The following ANK3 variants were observed in gnomAD, a reference collection of about 807,000 sequenced individuals.
ANK3 encodes ankyrin 3.
ANK3 carries 57 observed loss-of-function variants against 370.9 expected under a neutral mutation model. The ratio of observed to expected loss-of-function variants is 0.15; its 90% CI spans 0.12 to 0.19. ANK3 has a LOEUF of 0.19. Ranked by LOEUF, ANK3 falls within the 10% of genes least tolerant of loss-of-function variation. ANK3 has a pLI of 1.00. For missense variants in ANK3, 4,439 were observed against 5,302.1 expected, an observed-to-expected ratio of 0.84 and a Z score of 5.06; for synonymous variants, 1,929 against 1,946.3, an observed-to-expected ratio of 0.99 and a Z score of 0.23.
chr10:60,690,530 AACTTAAT>A (rs548761860), intron 1 of ANK3, among the ~76,000 whole-genome samples: 71 of 152,298 alleles, frequency 4.7e-4, no homozygotes, highest in African/African-American at 1.5e-3. Flanking sequence ...GAAAACTTAA[AACTTAAT>A]ACTTAATACT....
intron 1 of ANK3, among the ~76,000 whole-genome samples, chr10:60,650,929 TAACAAC>T (rs147504331): frequency 6.6e-6 from 1 of 151,298 alleles, no homozygotes; most frequent in Non-Finnish European, 1.5e-5. Context: ...TACAAAATTT[TAACAAC>T]AACAACAAAA....
At chr10:60,141,981 G>A (rs747903790) in intron 23 of ANK3, among the ~76,000 whole-genome samples, 1 of 152,114 alleles carries the variant, frequency 6.6e-6, no homozygotes, top group Non-Finnish European at 1.5e-5. Flanking sequence ...AGAATAGAAG[G>A]GGAAGTCTTG....
At chr10:60,304,447 A>G (rs896128332) in intron 1 of ANK3, among the ~76,000 whole-genome samples, 2 of 152,062 alleles carry the variant, frequency 1.3e-5, no homozygotes, top group South Asian at 2.1e-4. Context: ...GTTCAAGACC[A>G]GCCTTGCCAA....
intron 23 of ANK3, among the ~76,000 whole-genome samples, chr10:60,147,379 A>G (rs1016526266): frequency 3.3e-5 from 5 of 152,176 alleles, no homozygotes; most frequent in African/African-American, 9.7e-5. Flanking sequence ...AGGAAGAAGG[A>G]GAGGATTATT....
chr10:60,197,096 A>T (rs1193663857), intron 14 of ANK3, among the ~76,000 whole-genome samples: 1 of 152,190 alleles, frequency 6.6e-6, no homozygotes, highest in Non-Finnish European at 1.5e-5. Flanking sequence ...TCACCAGACC[A>T]GCCACTTTTC....
chr10:60,674,950 T>C (rs1321035917), intron 1 of ANK3, among the ~76,000 whole-genome samples: 1 of 152,168 alleles, frequency 6.6e-6, no homozygotes, highest in African/African-American at 2.4e-5. Flanking sequence ...AAACCATATA[T>C]TTGAGTCCTG....
At chr10:60,379,727 G>A (rs1419609889) in intron 1 of ANK3, among the ~76,000 whole-genome samples, 1 of 152,100 alleles carries the variant, frequency 6.6e-6, no homozygotes, top group East Asian at 1.9e-4. Context: ...AGGGGAAAGG[G>A]AGGTATAGAG....
intron 43 of ANK3, among the ~76,000 whole-genome samples, chr10:60,032,251 G>A (rs1206026732): frequency 2.4e-5 from 3 of 124,556 alleles, no homozygotes; most frequent in Non-Finnish European, 4.9e-5. Context: ...GCCCAGGCTG[G>A]AATGGAATGG....
At chr10:60,334,904 T>C (rs1264645082) in intron 1 of ANK3, among the ~76,000 whole-genome samples, 1 of 152,100 alleles carries the variant, frequency 6.6e-6, no homozygotes, top group East Asian at 1.9e-4. Context: ...TGTTAACGTA[T>C]ATCTGGAGTG....
intron 4 of ANK3, among the ~76,000 whole-genome samples, chr10:60,277,416 G>A (rs2098107321): frequency 6.6e-6 from 1 of 152,108 alleles, no homozygotes; most frequent in South Asian, 2.1e-4. Context: ...AGTTATAACT[G>A]GATTCATATA....
At chr10:60,279,759 T>C in intron 1 of ANK3, 120 bp from the exon 2 acceptor site, 1 of 774,082 alleles carries the variant, frequency 1.3e-6, no homozygotes, top group Non-Finnish European at 2.1e-6. Context: ...CATGAAAATA[T>C]GAATAAAAGT....
intron 23 of ANK3, chr10:60,140,422 A>G: frequency 6.2e-7 from 1 of 1,613,426 alleles, no homozygotes. Context: ...GAATTCCTTA[A>G]GCAGTGATTT....
chr10:60,698,084 G>A (rs2079488555), intron 1 of ANK3, among the ~76,000 whole-genome samples: 1 of 152,052 alleles, frequency 6.6e-6, no homozygotes, highest in African/African-American at 2.4e-5. Flanking sequence ...ATCAAAAAGT[G>A]GGCGAAGGAC....
intron 2 of ANK3, among the ~76,000 whole-genome samples, chr10:60,429,159 A>G (rs756544336): frequency 1.3e-5 from 2 of 152,176 alleles, no homozygotes; most frequent in African/African-American, 2.4e-5. Flanking sequence ...TGAAAGTCAC[A>G]TGGTTTTGAA....
intron 2 of ANK3, among the ~76,000 whole-genome samples, chr10:60,503,775 CA>C (rs1426157211): frequency 2.6e-5 from 4 of 152,150 alleles, no homozygotes; most frequent in African/African-American, 9.7e-5. Flanking sequence ...AGCTGTTTCC[CA>C]GGTGTCCAGA....
chr10:60,369,319 G>C (rs891210504), intron 1 of ANK3, among the ~76,000 whole-genome samples: 1 of 152,158 alleles, frequency 6.6e-6, no homozygotes, highest in African/African-American at 2.4e-5. Flanking sequence ...GTTATGAGAT[G>C]AAAGTAAACA....
chr10:60,580,737 A>G (rs900338050), intron 2 of ANK3, among the ~76,000 whole-genome samples: 7 of 152,196 alleles, frequency 4.6e-5, no homozygotes. Flanking sequence ...TTACAAACTA[A>G]AGATATGCTC....
chr10:60,336,561 G>A (rs2052956678), intron 1 of ANK3, among the ~76,000 whole-genome samples: 1 of 140,330 alleles, frequency 7.1e-6, no homozygotes, highest in African/African-American at 3.0e-5. Flanking sequence ...GGTGGAATCT[G>A]GAGATCTATC....
chr10:60,045,525 T>G (rs186720120), intron 42 of ANK3, among the ~76,000 whole-genome samples: 15 of 152,342 alleles, frequency 9.8e-5, no homozygotes, highest in African/African-American at 3.6e-4. Context: ...TTTGTGCCAC[T>G]TATAGTTCGG....
Sources: allele counts gnomAD v4.1 joint callset (sites outside exome capture counted in the v4.1 genomes callset), GRCh38; gene constraint gnomAD v4.1.1; transcripts MANE v1.5; gene names NCBI Gene and HGNC (gene_info 2026-07-23, HGNC 2026-07-21).